Variants in FAM83B observed in about 807,000 individuals in gnomAD.
FAM83B encodes the protein protein FAM83B.
Under a neutral mutation model 38.8 loss-of-function variants are expected in FAM83B, and 26 were observed. The observed-to-expected ratio is 0.67, with a 90% CI of 0.49 to 0.93. The LOEUF (loss-of-function observed/expected upper bound fraction) is 0.93. Among genes scored for constraint, FAM83B ranks in the 40% least tolerant of loss-of-function variants. The pLI, the probability that FAM83B is intolerant of heterozygous loss-of-function variation, is 0.00. For synonymous variants in FAM83B, 419 were observed against 423.1 expected (o/e 0.99, Z 0.12); for missense variants, 1,237 against 1,197.3 (o/e 1.03, Z -0.49).
rs200286212 is a variant in FAM83B at position 54,940,898 on chromosome 6, G to C, written c.1927G>C (p.Gly643Arg). The change falls in exon 5 of 5, where the codon GGT becomes CGT. Residue 643 changes from glycine (G) to arginine (R), a missense_variant. Physicochemically the swap from Gly to Arg is moderately radical, Grantham distance 125 (BLOSUM62 -2). Coordinates refer to ENST00000306858, the MANE Select transcript of FAM83B (RefSeq NM_001010872.3). ...ESNNYIYKTL[G>R]VNKQTENLKN... ...AAATAACTATATATATAAAACCTTGGGTGTAAATAAGCAGACAGAAAATCT... is the reference window on the plus strand; with the variant it reads ...AAATAACTATATATATAAAACCTTGCGTGTAAATAAGCAGACAGAAAATCT... 47 of 1,613,442 alleles carry C rather than the reference G, an allele frequency of 2.9e-5. No homozygotes were observed. In the East Asian group the frequency reaches 9.8e-4, roughly 34 times the overall value.
chr6:54,847,948 G>T (rs1321829285), intron 1 of FAM83B, among the ~76,000 whole-genome samples: 2 of 152,132 alleles, frequency 1.3e-5, no homozygotes, highest in African/African-American at 4.8e-5. Flanking sequence ...GTTACTGGCA[G>T]GCACCTCCCT....
chr6:54,895,461 A>G (rs1435251131), intron 2 of FAM83B, among the ~76,000 whole-genome samples: 1 of 152,028 alleles, frequency 6.6e-6, no homozygotes, highest in Non-Finnish European at 1.5e-5. Flanking sequence ...TGTGCTTCTG[A>G]TTTTTACTAC....
At chr6:54,903,703 GT>G (rs1328877852) in intron 2 of FAM83B, among the ~76,000 whole-genome samples, 2 of 149,626 alleles carry the variant, frequency 1.3e-5, no homozygotes, top group Admixed American at 1.3e-4. Flanking sequence ...CATCTCAAGT[GT>G]TTTTTTAACT....
intron 2 of FAM83B, among the ~76,000 whole-genome samples, chr6:54,913,856 A>C (rs1772972820): frequency 1.3e-5 from 2 of 151,826 alleles, no homozygotes; most frequent in African/African-American, 4.8e-5. Flanking sequence ...TGCATCATAT[A>C]TTTTTAATTT....
At chr6:54,865,966 TCA>T (rs1771690653) in intron 1 of FAM83B, among the ~76,000 whole-genome samples, 3 of 35,726 alleles carry the variant, frequency 8.4e-5, no homozygotes, top group South Asian at 3.8e-3. Context: ...TGTAAAATAG[TCA>T]TAATAATAAT....
intron 2 of FAM83B, among the ~76,000 whole-genome samples, chr6:54,910,571 T>C (rs1436057949): frequency 6.6e-6 from 1 of 152,132 alleles, no homozygotes; most frequent in East Asian, 1.9e-4. Context: ...CGGGGCAGAG[T>C]TCACTTTCCG....
At chr6:54,865,504 C>T (rs1294170872) in intron 1 of FAM83B, among the ~76,000 whole-genome samples, 1 of 152,158 alleles carries the variant, frequency 6.6e-6, no homozygotes. Flanking sequence ...AGGACTTCGA[C>T]ATATCCTGTT....
At chr6:54,857,374 T>C (rs1771468545) in intron 1 of FAM83B, among the ~76,000 whole-genome samples, 1 of 152,212 alleles carries the variant, frequency 6.6e-6, no homozygotes, top group African/African-American at 2.4e-5. Flanking sequence ...GTGGTGTTTT[T>C]GTCTAAATAT....
upstream of FAM83B, chr6:54,846,715 G>T (rs1771142603): frequency 6.6e-6 from 1 of 152,250 alleles, no homozygotes; most frequent in African/African-American, 2.4e-5. Context: ...ACGCTGGGCA[G>T]GTAACTCCCC....
chr6:54,865,323 G>T (rs1447425633), intron 1 of FAM83B, among the ~76,000 whole-genome samples: 1 of 152,060 alleles, frequency 6.6e-6, no homozygotes, highest in Non-Finnish European at 1.5e-5. Flanking sequence ...GTAGTCACGT[G>T]CAGTTCTGCC....
At chr6:54,857,809 A>G (rs1285892775) in intron 1 of FAM83B, among the ~76,000 whole-genome samples, 2 of 152,188 alleles carry the variant, frequency 1.3e-5, no homozygotes, top group Non-Finnish European at 1.5e-5. Context: ...ACGATTAAGT[A>G]TGGCAGAGAG....
At chr6:54,907,653 T>C (rs1051882247) in intron 2 of FAM83B, among the ~76,000 whole-genome samples, 1 of 150,850 alleles carries the variant, frequency 6.6e-6, no homozygotes, top group African/African-American at 2.4e-5. Context: ...AACAGTGTCA[T>C]AGAATTTCAG....
rs1186650403 is a variant in FAM83B at position 54,940,072 on chromosome 6, T to C, written c.1101T>C (p.Asn367=). 2 of 1,614,010 alleles carry C rather than the reference T, an allele frequency of 1.2e-6. No homozygotes were observed. The highest frequency in any genetic ancestry group is 1.7e-5 in the Admixed American group (1 of 59,982). The stretch of plus-strand genomic sequence containing the variant: ...AACCTCATTTTGTTCCTAACTTTAA[T>C]GGTCCAAACGCAATACGTCAGTTTC... ...GYKPHFVPNF[N]GPNAIRQFQP... Residue 367 remains asparagine, a synonymous_variant, in exon 5 of 5, where the codon AAT becomes AAC. Coordinates refer to ENST00000306858, the MANE Select transcript of FAM83B (RefSeq NM_001010872.3).
chr6:54,866,580 G>C (rs879785205), intron 1 of FAM83B, among the ~76,000 whole-genome samples: 1 of 152,056 alleles, frequency 6.6e-6, no homozygotes, highest in African/African-American at 2.4e-5. Context: ...TAATTCTCTG[G>C]AGAGTCATCC....
intron 1 of FAM83B, among the ~76,000 whole-genome samples, chr6:54,858,884 C>T (rs1771507704): frequency 6.6e-6 from 1 of 152,054 alleles, no homozygotes; most frequent in South Asian, 2.1e-4. Flanking sequence ...ATCCATTTAC[C>T]TAATCACTTT....
chr6:54,900,681 A>G (rs1363235202), intron 2 of FAM83B, among the ~76,000 whole-genome samples: 1 of 152,206 alleles, frequency 6.6e-6, no homozygotes, highest in African/African-American at 2.4e-5. Flanking sequence ...CATATATGTA[A>G]CACATATGCA....
intron 1 of FAM83B, among the ~76,000 whole-genome samples, chr6:54,865,749 C>T (rs977970146): frequency 2.1e-4 from 32 of 152,192 alleles, no homozygotes; most frequent in African/African-American, 7.5e-4. Context: ...CCTATTACAT[C>T]AGAAGCCTAT....
At chr6:54,905,810 A>G (rs1407269108) in intron 2 of FAM83B, among the ~76,000 whole-genome samples, 2 of 133,338 alleles carry the variant, frequency 1.5e-5, no homozygotes, top group Non-Finnish European at 3.3e-5. Flanking sequence ...TATGATCACA[A>G]TCATAATATA....
At chr6:54,889,560 A>G (rs1193654897) in intron 2 of FAM83B, among the ~76,000 whole-genome samples, 1 of 152,108 alleles carries the variant, frequency 6.6e-6, no homozygotes, top group East Asian at 1.9e-4. Flanking sequence ...TAACCTACAT[A>G]CATCTTCCTG....
Sources: gnomAD v4.1 joint callset for allele counts (sites outside exome capture counted in the v4.1 genomes callset) on GRCh38, gnomAD v4.1.1 for gene constraint, MANE v1.5 for transcripts, NCBI Gene and HGNC (gene_info 2026-07-23, HGNC 2026-07-21) for gene names.